The following CAPN9 variants were observed in gnomAD, a reference collection of about 807,000 sequenced individuals.
CAPN9 encodes the protein calpain 9.
A neutral mutation model predicts 92.8 loss-of-function variants in CAPN9; 81 were observed. That is an observed-to-expected ratio of 0.87 (90% CI 0.73 to 1.05). CAPN9 has a LOEUF of 1.05. Ranked by LOEUF, CAPN9 falls within the 50% of genes least tolerant of loss-of-function variation. The probability of loss-of-function intolerance (pLI) is 0.00; values close to 1 mark genes in which losing one functional copy is unlikely to be tolerated. For missense variants in CAPN9, 848 were observed against 866.2 expected, an observed-to-expected ratio of 0.98 and a Z score of 0.26; for synonymous variants, 304 against 328.0, an observed-to-expected ratio of 0.93 and a Z score of 0.79.
intron 2 of CAPN9, among the ~76,000 whole-genome samples, chr1:230,757,863 G>A (rs1665355959): frequency 6.6e-6 from 1 of 151,986 alleles, no homozygotes; most frequent in Non-Finnish European, 1.5e-5. Context: ...GATCAAGAGC[G>A]ACTGCAGTAT....
chr1:230,795,835 G>A (rs993935834), intron 18 of CAPN9, among the ~76,000 whole-genome samples: 1 of 152,120 alleles, frequency 6.6e-6, no homozygotes, highest in Non-Finnish European at 1.5e-5. Flanking sequence ...GAGTGGCTAT[G>A]AGGACATGCC....
chr1:230,798,971 C>A (rs1668520651), intron 19 of CAPN9, among the ~76,000 whole-genome samples: 1 of 152,220 alleles, frequency 6.6e-6, no homozygotes, highest in East Asian at 1.9e-4. Context: ...AGAGGGGAAA[C>A]TGTGGAGCAG....
intron 11 of CAPN9, among the ~76,000 whole-genome samples, chr1:230,783,055 T>C (rs1342352378): frequency 6.6e-6 from 1 of 152,148 alleles, no homozygotes; most frequent in African/African-American, 2.4e-5. Context: ...TTCAACTTTG[T>C]AATCTTTTAA....
intron 11 of CAPN9, among the ~76,000 whole-genome samples, chr1:230,784,416 G>T (rs1260316332): frequency 6.6e-6 from 1 of 152,212 alleles, no homozygotes; most frequent in East Asian, 1.9e-4. Flanking sequence ...AGGCCGAGAG[G>T]CCTAAGAGGA....
chr1:230,747,854 T>A (rs560621656), intron 1 of CAPN9, 145 bp downstream of exon 1: 49 of 760,754 alleles, frequency 6.4e-5, no homozygotes, highest in Admixed American at 1.4e-4. Context: ...TGGAAAGCTT[T>A]GCAGTTTGGA....
intron 5 of CAPN9, among the ~76,000 whole-genome samples, chr1:230,768,344 G>T (rs1022160476): frequency 6.6e-6 from 1 of 152,024 alleles, no homozygotes; most frequent in Admixed American, 6.6e-5. Context: ...CCATACAGGC[G>T]CATTTTTACC....
chr1:230,772,981 G>A (rs556557138), intron 7 of CAPN9, among the ~76,000 whole-genome samples: 5 of 151,980 alleles, frequency 3.3e-5, no homozygotes, highest in South Asian at 2.1e-4. Flanking sequence ...TTGCTCGTCC[G>A]CTGCTTGTTG....
At chr1:230,760,220 A>G (rs979351580) in intron 3 of CAPN9, among the ~76,000 whole-genome samples, 1 of 152,034 alleles carries the variant, frequency 6.6e-6, no homozygotes, top group Admixed American at 6.5e-5. Flanking sequence ...ATAGGGTTCG[A>G]CCAGATACTG....
intron 8 of CAPN9, among the ~76,000 whole-genome samples, chr1:230,777,368 C>G (rs1666872128): frequency 6.6e-6 from 1 of 152,120 alleles, no homozygotes; most frequent in Admixed American, 6.5e-5. Flanking sequence ...ATCATGCACT[C>G]TGTGCGTGGA....
At chr1:230,752,573 C>A in intron 1 of CAPN9, 2 of 564,744 alleles carry the variant, frequency 3.5e-6, no homozygotes, top group Non-Finnish European at 4.5e-6. Context: ...GTTGGCGGGG[C>A]CAGGCCTGCA....
chr1:230,780,663 CTGA>C lies in CAPN9; in HGVS notation c.1438_1440del (p.Asp480del). 6.2e-7 allele frequency: 1 copy of C among 1,614,152 alleles called. No homozygotes were observed. The highest frequency in any genetic ancestry group is 8.5e-7 in the Non-Finnish European group (1 of 1,180,020). ...AGCACTTTTGAGCCCCACCAGGAAG[CTGA>C]TTTCTGTCTGAGAATCTTTTCAGAG... On this transcript the variant is annotated inframe_deletion, in exon 11 of 20. Coordinates refer to ENST00000271971, the MANE Select transcript of CAPN9 (RefSeq NM_006615.3).
At chr1:230,795,026 C>T in intron 17 of CAPN9, 137 bp from the exon 18 acceptor site, 1 of 651,792 alleles carries the variant, frequency 1.5e-6, no homozygotes, top group East Asian at 2.6e-5. Context: ...GGTCTGGGGA[C>T]CCCAGCTTTG....
intron 1 of CAPN9, among the ~76,000 whole-genome samples, chr1:230,754,476 T>C (rs1665092509): frequency 6.6e-6 from 1 of 151,984 alleles, no homozygotes; most frequent in Middle Eastern, 3.4e-3. Flanking sequence ...TTATATGGTA[T>C]AGATACATGA....
At chr1:230,796,835 CT>C (rs940494411) in intron 18 of CAPN9, among the ~76,000 whole-genome samples, 6 of 152,278 alleles carry the variant, frequency 3.9e-5, no homozygotes, top group African/African-American at 1.2e-4. Flanking sequence ...AGTGCCTCAG[CT>C]TTTCTTATAG....
chr1:230,749,952 A>G (rs1054893636), intron 1 of CAPN9, among the ~76,000 whole-genome samples: 1 of 152,076 alleles, frequency 6.6e-6, no homozygotes, highest in African/African-American at 2.4e-5. Flanking sequence ...CTTTTTGTCA[A>G]AGTTAGAATT....
At chr1:230,757,011 T>TGGAA (rs1185102067) in intron 2 of CAPN9, among the ~76,000 whole-genome samples, 3,909 of 84,932 alleles carry the variant, frequency 0.046, 108 homozygotes, top group East Asian at 0.14. Flanking sequence ...GGAGGGAGGA[T>TGGAA]GGAAGGAAGG....
intron 11 of CAPN9, among the ~76,000 whole-genome samples, chr1:230,782,059 T>C (rs1667263134): frequency 6.6e-6 from 1 of 152,186 alleles, no homozygotes; most frequent in African/African-American, 2.4e-5. Context: ...TGACATCTCT[T>C]ATGGGTGGCA....
At chr1:230,788,227 C>T (rs1272573112) in intron 13 of CAPN9, among the ~76,000 whole-genome samples, 1 of 152,136 alleles carries the variant, frequency 6.6e-6, no homozygotes, top group East Asian at 1.9e-4. Context: ...AAAATCACTG[C>T]CATTAGAATA....
At chr1:230,772,740 ATC>A (rs1666471453) in intron 7 of CAPN9, among the ~76,000 whole-genome samples, 1 of 116,728 alleles carries the variant, frequency 8.6e-6, no homozygotes. Flanking sequence ...TGTTGACCCC[ATC>A]TCTTTTTTTT....
Sources: gnomAD v4.1 joint callset for allele counts (sites outside exome capture counted in the v4.1 genomes callset) on GRCh38, gnomAD v4.1.1 for gene constraint, MANE v1.5 for transcripts, NCBI Gene and HGNC (gene_info 2026-07-23, HGNC 2026-07-21) for gene names.